TMPRSS15: variants seen among roughly 807,000 people sequenced by gnomAD.
The protein encoded by TMPRSS15 is enteropeptidase.
TMPRSS15 carries 128 observed loss-of-function variants against 125.3 expected under a neutral mutation model. The ratio of observed to expected loss-of-function variants is 1.02; its 90% CI spans 0.89 to 1.18. The LOEUF (loss-of-function observed/expected upper bound fraction) is 1.18, where lower values mean the gene tolerates loss of function less well. Among genes scored for constraint, TMPRSS15 ranks in the 50% most tolerant of loss-of-function variants. The pLI, the probability that TMPRSS15 is intolerant of heterozygous loss-of-function variation, is 0.00. For missense variants in TMPRSS15, 1,283 were observed against 1,212.7 expected, an observed-to-expected ratio of 1.06 and a Z score of -0.86; for synonymous variants, 446 against 423.2, an observed-to-expected ratio of 1.05 and a Z score of -0.66.
intron 10 of TMPRSS15, among the ~76,000 whole-genome samples, chr21:18,347,801 T>G (rs948175724): frequency 6.6e-6 from 1 of 152,174 alleles, no homozygotes; most frequent in African/African-American, 2.4e-5. Context: ...TGAAATGTTT[T>G]CTAGAGCTCT....
intron 23 of TMPRSS15, among the ~76,000 whole-genome samples, chr21:18,278,397 A>C (rs995900102): frequency 9.9e-5 from 15 of 152,068 alleles, no homozygotes; most frequent in African/African-American, 3.4e-4. Context: ...AATATCTTCT[A>C]TGCAATCTGA....
At chr21:18,426,148 C>T (rs1446243846) in intron 1 of TMPRSS15, among the ~76,000 whole-genome samples, 1 of 152,144 alleles carries the variant, frequency 6.6e-6, no homozygotes, top group Non-Finnish European at 1.5e-5. Flanking sequence ...AGCAACTATA[C>T]ACAACACACA....
At position 18,313,044 on chromosome 21, in the gene TMPRSS15, C is replaced by G. The variant is rs1400985054; in HGVS notation, c.2066G>C (p.Gly689Ala). The change falls in exon 18 of 25, where the codon GGT becomes GCT. Residue 689 changes from glycine (G) to alanine (A), a missense_variant. Transcript: ENST00000284885. ...GCTCTGGATTCTGAACCGCACTAAACCATTGTTGTTCGTTGTGCCATTGAA... is the reference window on the plus strand; with the variant it reads ...GCTCTGGATTCTGAACCGCACTAAAGCATTGTTGTTCGTTGTGCCATTGAA... The part of the protein sequence containing the change: ...RFFNGTTNNN[G>A]LVRFRIQSIW... 6.2e-7 allele frequency: 1 copy of G among 1,613,926 alleles called. No individual in the cohort carries two copies. The highest frequency in any genetic ancestry group is 8.5e-7 in the Non-Finnish European group (1 of 1,179,942).
At chr21:18,308,459 AAC>A (rs1471266132) in intron 18 of TMPRSS15, among the ~76,000 whole-genome samples, 1 of 152,022 alleles carries the variant, frequency 6.6e-6, no homozygotes, top group Non-Finnish European at 1.5e-5. Flanking sequence ...CGATTTTTTT[AAC>A]ACATACTATT....
intron 1 of TMPRSS15, among the ~76,000 whole-genome samples, chr21:18,436,568 A>G (rs1490095621): frequency 4.0e-5 from 6 of 151,752 alleles, no homozygotes; most frequent in Non-Finnish European, 7.4e-5. Context: ...AATCTCCTTA[A>G]GCTGATAAGC....
At chr21:18,429,521 C>A (rs1366152385) in intron 1 of TMPRSS15, among the ~76,000 whole-genome samples, 1 of 152,168 alleles carries the variant, frequency 6.6e-6, no homozygotes, top group East Asian at 1.9e-4. Context: ...CAGTTTCTCC[C>A]ATACTGTTCT....
intron 15 of TMPRSS15, 74 bp downstream of exon 15, chr21:18,329,095 T>C (rs1254425440): frequency 6.5e-7 from 1 of 1,537,186 alleles, no homozygotes; most frequent in Non-Finnish European, 8.9e-7. Context: ...ATTACATTAA[T>C]TAAGAAACGC....
chr21:18,430,671 A>C (rs1407127712), intron 1 of TMPRSS15, among the ~76,000 whole-genome samples: 3 of 152,154 alleles, frequency 2.0e-5, no homozygotes, highest in Non-Finnish European at 4.4e-5. Context: ...TAGCTTGTCA[A>C]ATTCATCTTA....
chr21:18,374,315 T>C (rs1282690556), intron 5 of TMPRSS15, among the ~76,000 whole-genome samples: 3 of 147,442 alleles, frequency 2.0e-5, no homozygotes, highest in African/African-American at 7.6e-5. Flanking sequence ...CTACTAAAAA[T>C]ACAAAAAATT....
At chr21:18,354,425 T>C (rs2075604089) in intron 8 of TMPRSS15, among the ~76,000 whole-genome samples, 1 of 151,788 alleles carries the variant, frequency 6.6e-6, no homozygotes, top group African/African-American at 2.4e-5. Context: ...AGAGGATTTT[T>C]TTTTTCATTT....
chr21:18,319,747 T>G (rs1267073105), intron 16 of TMPRSS15, among the ~76,000 whole-genome samples: 1 of 152,184 alleles, frequency 6.6e-6, no homozygotes, highest in African/African-American at 2.4e-5. Context: ...TTTTTCAAGT[T>G]AACATTTTTA....
At chr21:18,392,379 G>A (rs1195109168) in intron 3 of TMPRSS15, among the ~76,000 whole-genome samples, 1 of 152,080 alleles carries the variant, frequency 6.6e-6, no homozygotes, top group East Asian at 1.9e-4. Context: ...TCTAGGGCAG[G>A]GGCAAAATGC....
chr21:18,300,504 G>T (rs1467140115), intron 18 of TMPRSS15, among the ~76,000 whole-genome samples: 3 of 151,838 alleles, frequency 2.0e-5, no homozygotes, highest in Non-Finnish European at 4.4e-5. Flanking sequence ...ACCACACCTG[G>T]CTAATTTTTT....
intron 1 of TMPRSS15, among the ~76,000 whole-genome samples, chr21:18,420,886 G>T (rs1327689572): frequency 2.0e-5 from 3 of 152,150 alleles, no homozygotes; most frequent in Admixed American, 2.0e-4. Context: ...GATTTCAAAA[G>T]TGTATGGCTT....
At chr21:18,295,697 G>A (rs1374512803) in intron 19 of TMPRSS15, among the ~76,000 whole-genome samples, 3 of 152,140 alleles carry the variant, frequency 2.0e-5, no homozygotes, top group Non-Finnish European at 4.4e-5. Context: ...GAAATATAAG[G>A]AAGTCTATCT....
intron 1 of TMPRSS15, among the ~76,000 whole-genome samples, chr21:18,478,398 T>G: frequency 6.6e-6 from 1 of 152,048 alleles, no homozygotes; most frequent in East Asian, 1.9e-4. Context: ...ATTTTGGAAT[T>G]AATTTATACT....
chr21:18,326,381 G>T, intron 16 of TMPRSS15, 51 bp downstream of exon 16: 1 of 1,611,506 alleles, frequency 6.2e-7, no homozygotes, highest in East Asian at 2.2e-5. Flanking sequence ...GTACACCTTT[G>T]CTGTTTTGCT....
intron 6 of TMPRSS15, among the ~76,000 whole-genome samples, chr21:18,371,544 A>G (rs1178618971): frequency 6.6e-6 from 1 of 152,194 alleles, no homozygotes; most frequent in Non-Finnish European, 1.5e-5. Context: ...TTAAGTGTCA[A>G]ATAGTAATAA....
chr21:18,365,649 C>CCCTTCCTCCCTTCCTTCCTTCCTT lies in TMPRSS15; in HGVS notation c.665-402_665-401insAAGGAAGGAAGGAAGGGAGGAAGG, dbSNP rs1215517857. On this transcript the variant is annotated intron_variant, in intron 6 of 24. Coordinates refer to ENST00000284885, the MANE Select transcript of TMPRSS15 (RefSeq NM_002772.3). ...CTTTCTCTTTCTCTCTCTTTTTCCT[C>CCCTTCCTCCCTTCCTTCCTTCCTT]CCTTCCTTCCTTCCTTCCTTCCTTC... Among the ~76,000 whole-genome samples the CCCTTCCTCCCTTCCTTCCTTCCTT allele has an allele frequency of 4.6e-4, 30 of 65,860 alleles. 1 individual carries two copies. The highest frequency in any genetic ancestry group is 0.011 in the Middle Eastern group (1 of 94). The allele number at this position is 65,860 out of a possible 152,430, so 43.2% of individuals were successfully genotyped here. A position where few individuals can be genotyped will look rare whatever the true frequency, so the allele number is the denominator to read the frequency against.
Sources: gnomAD v4.1 joint callset for allele counts (sites outside exome capture counted in the v4.1 genomes callset) on GRCh38, gnomAD v4.1.1 for gene constraint, MANE v1.5 for transcripts, NCBI Gene and HGNC (gene_info 2026-07-23, HGNC 2026-07-21) for gene names.